The following COPB2 variants were observed in gnomAD, a reference collection of about 807,000 sequenced individuals.
The protein encoded by COPB2 is coatomer subunit beta'.
A neutral mutation model predicts 120.8 loss-of-function variants in COPB2; 16 were observed. That is an observed-to-expected ratio of 0.13 (90% confidence interval 0.09 to 0.20). The LOEUF (loss-of-function observed/expected upper bound fraction) is 0.20. Among genes scored for constraint, COPB2 ranks in the 10% least tolerant of loss-of-function variants. COPB2 has a pLI of 1.00. For synonymous variants in COPB2, 332 were observed against 366.3 expected (o/e 0.91, Z 1.07); for missense variants, 794 against 1,076.5 (o/e 0.74, Z 3.67).
rs556455798 is a variant in COPB2, at chr3:139,373,496, A to G, written c.895-84T>C. The G allele has an allele frequency of 1.8e-5, 27 of 1,530,902 alleles. 1 individual carries two copies. In the African/African-American group the frequency reaches 3.3e-4, roughly 19 times the overall value. 94.8% of individuals were successfully genotyped at this position (1,530,902 alleles called of 1,614,324 possible). A position where few individuals can be genotyped will look rare whatever the true frequency, so the allele number is the denominator to read the frequency against. ...AAACAGATTATTTTTTTCACCTAAC[A>G]GAGAGCTCCATTTCCTTTCTTCCAC... On this transcript the variant is annotated intron_variant, in intron 8 of 21. Coordinates refer to ENST00000333188, the MANE Select transcript of COPB2 (RefSeq NM_004766.3).
Position 139,357,714 on chromosome 3 carries a change from A to C in COPB2, c.*149T>G, listed in dbSNP as rs1215880921. The C allele has an allele frequency of 1.2e-5, 6 of 484,898 alleles. No individual in the cohort carries two copies. 30.0% of individuals were successfully genotyped at this position (484,898 alleles called of 1,614,324 possible). A position where few individuals can be genotyped will look rare whatever the true frequency, so the allele number is the denominator to read the frequency against. On this transcript the variant is annotated 3_prime_UTR_variant, in exon 22 of 22. Coordinates refer to ENST00000333188, the MANE Select transcript of COPB2 (RefSeq NM_004766.3). Reference sequence around the variant, plus strand: ...CTGCACATAAACTCTTCTTAAGATGATGTGGGCATTGTGCTCCCAGTGGTC... The same window carrying C: ...CTGCACATAAACTCTTCTTAAGATGCTGTGGGCATTGTGCTCCCAGTGGTC...
intron 2 of COPB2, chr3:139,381,915 A>AAACC (rs67888637): frequency 1.3e-5 from 2 of 149,484 alleles, no homozygotes; most frequent in East Asian, 2.0e-4. Context: ...CAAAAAAAAA[A>AAACC]AGTTATTTGC....
At chr3:139,360,962 C>T in intron 17 of COPB2, 119 bp downstream of exon 17, 2 of 1,077,490 alleles carry the variant, frequency 1.9e-6, no homozygotes, top group Admixed American at 3.8e-5. Flanking sequence ...GTTCTGACTG[C>T]CCCGTCTATT....
chr3:139,389,285 T>C (rs1942002950), intron 1 of COPB2, among the ~76,000 whole-genome samples: 1 of 152,228 alleles, frequency 6.6e-6, no homozygotes, highest in Non-Finnish European at 1.5e-5. Context: ...CGCTGCAGAC[T>C]GCAGGAGCTC....
At chr3:139,359,224 T>C (rs569489572) in intron 18 of COPB2, 46 bp from the exon 19 acceptor site, 2 of 1,611,442 alleles carry the variant, frequency 1.2e-6, no homozygotes, top group East Asian at 2.2e-5. Context: ...GTAAATGTGC[T>C]CTCTTTTTAT....
intron 15 of COPB2, among the ~76,000 whole-genome samples, chr3:139,364,527 T>C (rs371032965): frequency 6.6e-6 from 1 of 152,086 alleles, no homozygotes; most frequent in African/African-American, 2.4e-5. Flanking sequence ...GACCCCAAAA[T>C]GATGGTGACT....
At chr3:139,370,931 TC>T (rs1941613062) in intron 10 of COPB2, among the ~76,000 whole-genome samples, 1 of 152,182 alleles carries the variant, frequency 6.6e-6, no homozygotes, top group Admixed American at 6.5e-5. Context: ...TCTCAATAAA[TC>T]TTACTGTTGT....
chr3:139,362,589 T>C lies in COPB2; in HGVS notation c.1885-72A>G, dbSNP rs187760995. On this transcript the variant is annotated intron_variant, in intron 15 of 21. Coordinates refer to ENST00000333188, the MANE Select transcript of COPB2 (RefSeq NM_004766.3). ...TATGTATGTTTTATATATATATATA[T>C]ACACACACATATACAGTGTACACAC... The C allele has an allele frequency of 9.7e-3, 4,522 of 465,286 alleles. 26 individuals are homozygous for C. Among genetic ancestry groups the C allele is most frequent in the Non-Finnish European group, 0.013 (3,671 of 278,148 alleles). The allele number at this position is 465,286 out of a possible 1,614,324, so 28.8% of individuals were successfully genotyped here. A position where few individuals can be genotyped will look rare whatever the true frequency, so the allele number is the denominator to read the frequency against.
At position 139,374,480 on chromosome 3, in the gene COPB2, C is replaced by T. The variant is rs760882868; in HGVS notation, c.751+9G>A. On this transcript the variant is annotated intron_variant, in intron 7 of 21. Coordinates refer to ENST00000333188, the MANE Select transcript of COPB2 (RefSeq NM_004766.3). Reference sequence around the variant, plus strand: ...CTAGCACAGGAATAAACATACCCTTCTAACTTACCATCTTCTGAACCTGTG... The same window carrying T: ...CTAGCACAGGAATAAACATACCCTTTTAACTTACCATCTTCTGAACCTGTG... 1.2e-6 allele frequency: 2 copies of T among 1,612,266 alleles called. No homozygotes were observed. Among genetic ancestry groups the T allele is most frequent in the Non-Finnish European group, 1.7e-6 (2 of 1,178,320 alleles).
chr3:139,369,551 GA>G lies in COPB2; in HGVS notation c.1206-8del. 6.4e-7 allele frequency: 1 copy of G among 1,550,388 alleles called. No homozygotes were observed. Among genetic ancestry groups the G allele is most frequent in the Non-Finnish European group, 8.8e-7 (1 of 1,136,458 alleles). On this transcript the variant is annotated splice_polypyrimidine_tract_variant and splice_region_variant and intron_variant, in intron 10 of 21. Coordinates refer to ENST00000333188, the MANE Select transcript of COPB2 (RefSeq NM_004766.3). ...GCTCTCTCTTATTGCATACCTGGGA[GA>G]AAAAAGGGAAGGCAAACATAACATG... is the stretch of plus-strand genomic sequence containing the variant.
intron 1 of COPB2, among the ~76,000 whole-genome samples, chr3:139,387,593 T>C (rs1358176717): frequency 6.6e-6 from 1 of 152,246 alleles, no homozygotes; most frequent in African/African-American, 2.4e-5. Context: ...CTTTTCTTGC[T>C]TTCTAGAGTA....
At chr3:139,363,815 G>A (rs75012705) in intron 15 of COPB2, among the ~76,000 whole-genome samples, 2,489 of 152,192 alleles carry the variant, frequency 0.016, 73 homozygotes, top group African/African-American at 0.058. Context: ...CTGCCAACCC[G>A]CCCCGATCCA....
chr3:139,379,276 G>A lies in COPB2; in HGVS notation c.229-103C>T, dbSNP rs1241337840. ...AATAAAGTCTATGCCTCAAAACATTGCTGTAAATAACAAAACAAATCGGGA... is the reference window on the plus strand; with the variant it reads ...AATAAAGTCTATGCCTCAAAACATTACTGTAAATAACAAAACAAATCGGGA... On this transcript the variant is annotated intron_variant, in intron 3 of 21. Coordinates refer to ENST00000333188, the MANE Select transcript of COPB2 (RefSeq NM_004766.3). 43 of 1,552,994 alleles carry A rather than the reference G, an allele frequency of 2.8e-5. 1 individual carries two copies. Among genetic ancestry groups the A allele is most frequent in the Non-Finnish European group, 3.8e-5 (43 of 1,132,554 alleles).
At chr3:139,364,627 G>C (rs1257974903) in intron 15 of COPB2, among the ~76,000 whole-genome samples, 4 of 152,164 alleles carry the variant, frequency 2.6e-5, no homozygotes, top group Admixed American at 2.6e-4. Flanking sequence ...ATGTCAGCAG[G>C]AACAGTGCCT....
chr3:139,374,605 GA>G lies in COPB2; in HGVS notation c.652-18del. On this transcript the variant is annotated intron_variant, in intron 6 of 21. Coordinates refer to ENST00000333188, the MANE Select transcript of COPB2 (RefSeq NM_004766.3). The stretch of plus-strand genomic sequence containing the variant: ...TGTTTTATTCTGTAATTAAGACATA[GA>G]AAACATGTTTTATTAATGAAAAACA... The G allele has an allele frequency of 6.3e-7, 1 of 1,597,746 alleles. No individual in the cohort carries two copies. The highest frequency in any genetic ancestry group is 8.6e-7 in the Non-Finnish European group (1 of 1,166,452).
chr3:139,387,517 G>A (rs1291293170), intron 1 of COPB2, among the ~76,000 whole-genome samples: 1 of 152,158 alleles, frequency 6.6e-6, no homozygotes, highest in African/African-American at 2.4e-5. Flanking sequence ...CTAGCCTGAA[G>A]CATTCTTTCC....
intron 7 of COPB2, 41 bp downstream of exon 7, chr3:139,374,448 G>A: frequency 2.0e-6 from 3 of 1,497,556 alleles, no homozygotes; most frequent in Non-Finnish European, 2.8e-6. Flanking sequence ...TGCCCACTGA[G>A]TAGTTACTAG....
At chr3:139,364,054 A>T (rs892374590) in intron 15 of COPB2, among the ~76,000 whole-genome samples, 5 of 147,420 alleles carry the variant, frequency 3.4e-5, no homozygotes, top group Non-Finnish European at 7.6e-5. Flanking sequence ...ATTTTTTTTT[A>T]AAGGCATAAG....
chr3:139,365,445 T>C (rs1941497067), intron 15 of COPB2, among the ~76,000 whole-genome samples: 1 of 152,232 alleles, frequency 6.6e-6, no homozygotes, highest in African/African-American at 2.4e-5. Context: ...AATGGCACTT[T>C]CAGATATTCA....
Sources: gnomAD v4.1 joint callset for allele counts (sites outside exome capture counted in the v4.1 genomes callset) on GRCh38, gnomAD v4.1.1 for gene constraint, MANE v1.5 for transcripts, NCBI Gene and HGNC (gene_info 2026-07-23, HGNC 2026-07-21) for gene names.